The following ANKH variants were observed in gnomAD, a reference collection of about 807,000 sequenced individuals.
ANKH encodes the protein mineralization regulator ANKH.
Under a neutral mutation model 49.0 loss-of-function variants are expected in ANKH, and 15 were observed. That is an observed-to-expected ratio of 0.31 (90% CI 0.20 to 0.47). ANKH has a LOEUF of 0.47. Among genes scored for constraint, ANKH ranks in the 20% least tolerant of loss-of-function variants. ANKH has a pLI of 1.00. For synonymous variants in ANKH, 273 were observed against 260.0 expected (o/e 1.05, Z -0.48); for missense variants, 429 against 652.0 (o/e 0.66, Z 3.72).
intron 8 of ANKH, among the ~76,000 whole-genome samples, chr5:14,729,693 C>G (rs950672397): frequency 6.6e-6 from 1 of 152,032 alleles, no homozygotes; most frequent in African/African-American, 2.4e-5. Flanking sequence ...CCGTCTGTGA[C>G]CTGCCACCTT....
intron 1 of ANKH, among the ~76,000 whole-genome samples, chr5:14,793,861 G>T (rs1740287026): frequency 6.6e-6 from 1 of 152,208 alleles, no homozygotes; most frequent in Non-Finnish European, 1.5e-5. Flanking sequence ...TGCTATCACT[G>T]CATTTCTGTG....
chr5:14,711,403 G>A (rs1737198143), intron 11 of ANKH, 93 bp from the exon 12 acceptor site: 1 of 1,094,260 alleles, frequency 9.1e-7, no homozygotes, highest in East Asian at 2.4e-5. Context: ...GGTCTTGGGG[G>A]ACCCCTCACT....
intron 1 of ANKH, among the ~76,000 whole-genome samples, chr5:14,807,264 A>T (rs1166906429): frequency 6.6e-6 from 1 of 151,876 alleles, no homozygotes; most frequent in Non-Finnish European, 1.5e-5. Context: ...ATAGGCACAC[A>T]CCACCATGCC....
In ANKH at chr5:14,711,014, C is replaced by G; in HGVS notation, c.*183G>C. The G allele has an allele frequency of 1.5e-6, 1 of 645,722 alleles. No individual in the cohort carries two copies. The highest frequency in any genetic ancestry group is 2.8e-6 in the Non-Finnish European group (1 of 355,442). 40.0% of individuals were successfully genotyped at this position (645,722 alleles called of 1,614,324 possible). On this transcript the variant is annotated 3_prime_UTR_variant, in exon 12 of 12. Coordinates refer to ENST00000284268, the MANE Select transcript of ANKH (RefSeq NM_054027.6). Reference sequence around the variant, plus strand: ...AACAGTAAAGACCATTCACTAGGTCCCCCCGTCAGTGTGAGCATACCCAGT... The same window carrying G: ...AACAGTAAAGACCATTCACTAGGTCGCCCCGTCAGTGTGAGCATACCCAGT...
chr5:14,767,447 T>C (rs1360389765), intron 2 of ANKH, among the ~76,000 whole-genome samples: 3 of 152,206 alleles, frequency 2.0e-5, no homozygotes, highest in Admixed American at 2.0e-4. Context: ...AAACTAATAA[T>C]GATTATTAAA....
Position 14,725,366 on chromosome 5 carries a change from A to T in ANKH, c.1012-8531T>A, listed in dbSNP as rs1277823466. Among the ~76,000 whole-genome samples, 2 of 152,090 alleles carry T rather than the reference A, an allele frequency of 1.3e-5. No individual in the cohort carries two copies. The highest frequency in any genetic ancestry group is 6.5e-5 in the Admixed American group (1 of 15,276). On this transcript the variant is annotated intron_variant, in intron 8 of 11. Coordinates refer to ENST00000284268, the MANE Select transcript of ANKH (RefSeq NM_054027.6). This position sits in a 1 kb window ranked among gnomAD's most constrained non-coding sequence, Gnocchi z 4.0. ...ATAAGCAGTTGACTCCATAAAGTAA[A>T]TCGATGCCTGCCTTCCTTAAGAAAG...
chr5:14,777,648 G>T (rs923228785), intron 1 of ANKH, among the ~76,000 whole-genome samples: 1 of 152,160 alleles, frequency 6.6e-6, no homozygotes, highest in African/African-American at 2.4e-5. Flanking sequence ...CCCCAATCCT[G>T]CCAGTCATTT....
At chr5:14,765,476 T>A (rs1000170080) in intron 2 of ANKH, among the ~76,000 whole-genome samples, 6 of 152,106 alleles carry the variant, frequency 3.9e-5, no homozygotes, top group African/African-American at 1.4e-4. Flanking sequence ...TCCCGCACAA[T>A]CTCCACCAAG....
chr5:14,851,640 C>G (rs1345129814), intron 1 of ANKH, among the ~76,000 whole-genome samples: 1 of 152,234 alleles, frequency 6.6e-6, no homozygotes, highest in Admixed American at 6.5e-5. Flanking sequence ...TTAAGCACTA[C>G]TTTCCACTCC....
chr5:14,735,448 C>G (rs1324906353), intron 8 of ANKH, among the ~76,000 whole-genome samples: 1 of 152,154 alleles, frequency 6.6e-6, no homozygotes, highest in Admixed American at 6.5e-5. Context: ...TTCATCAATC[C>G]ATGTAGCCTT....
intron 1 of ANKH, among the ~76,000 whole-genome samples, chr5:14,846,663 A>G (rs1386965564): frequency 6.6e-6 from 1 of 152,152 alleles, no homozygotes; most frequent in East Asian, 1.9e-4. Context: ...TAGAGTGCAC[A>G]TACATTTGAC....
chr5:14,834,773 T>C (rs1561076703), intron 1 of ANKH, among the ~76,000 whole-genome samples: 1 of 152,236 alleles, frequency 6.6e-6, no homozygotes, highest in East Asian at 1.9e-4. Flanking sequence ...AGAATGAGAC[T>C]GTGTCTCAAA....
At chr5:14,864,908 A>G (rs1348506043) in intron 1 of ANKH, among the ~76,000 whole-genome samples, 2 of 152,134 alleles carry the variant, frequency 1.3e-5, no homozygotes, top group African/African-American at 4.8e-5. Context: ...ACACACACAC[A>G]CTTACCCCAC....
At chr5:14,842,890 T>C (rs1011177520) in intron 1 of ANKH, among the ~76,000 whole-genome samples, 9 of 152,192 alleles carry the variant, frequency 5.9e-5, no homozygotes, top group African/African-American at 2.2e-4. Context: ...CTGAACATTG[T>C]AAGGCAGAAC....
At chr5:14,808,199 T>C (rs1197118265) in intron 1 of ANKH, among the ~76,000 whole-genome samples, 2 of 152,220 alleles carry the variant, frequency 1.3e-5, no homozygotes, top group Non-Finnish European at 2.9e-5. Flanking sequence ...GCAATAACTA[T>C]CCACTGTGAA....
At chr5:14,749,585 G>C (rs993265702) in intron 5 of ANKH, among the ~76,000 whole-genome samples, 2 of 152,182 alleles carry the variant, frequency 1.3e-5, no homozygotes, top group South Asian at 2.1e-4. Flanking sequence ...ACTGAGACTC[G>C]GGGAATCTCT....
chr5:14,729,841 G>C (rs1357485963), intron 8 of ANKH, among the ~76,000 whole-genome samples: 2 of 152,230 alleles, frequency 1.3e-5, no homozygotes, highest in Admixed American at 1.3e-4. Context: ...CCCGGACAGA[G>C]TGGATTCTTC....
At chr5:14,834,386 G>T (rs979838864) in intron 1 of ANKH, among the ~76,000 whole-genome samples, 1 of 152,192 alleles carries the variant, frequency 6.6e-6, no homozygotes, top group African/African-American at 2.4e-5. Context: ...TTCAAGGTAA[G>T]CATGCCCCAA....
At chr5:14,728,088 G>A (rs1207841561) in intron 8 of ANKH, among the ~76,000 whole-genome samples, 1 of 152,240 alleles carries the variant, frequency 6.6e-6, no homozygotes, top group African/African-American at 2.4e-5. Context: ...CTGGATTTGA[G>A]CAAATGCTGG....
Sources: gnomAD v4.1 joint callset for allele counts (sites outside exome capture counted in the v4.1 genomes callset) on GRCh38, gnomAD v4.1.1 for gene constraint, Gnocchi (gnomAD v3.1) non-coding constraint, MANE v1.5 for transcripts, NCBI Gene and HGNC (gene_info 2026-07-23, HGNC 2026-07-21) for gene names.